The following HIVEP3 variants were observed in gnomAD, a reference collection of about 807,000 sequenced individuals.
The protein encoded by HIVEP3 is HIVEP zinc finger 3, also known as transcription factor HIVEP3.
Under a neutral mutation model 152.8 loss-of-function variants are expected in HIVEP3, and 49 were observed. The ratio of observed to expected loss-of-function variants is 0.32; its 90% CI spans 0.26 to 0.41. HIVEP3 has a LOEUF of 0.41. Ranked by LOEUF, HIVEP3 falls within the 10% of genes least tolerant of loss-of-function variation. The probability of loss-of-function intolerance (pLI) is 1.00; values close to 1 mark genes in which losing one functional copy is unlikely to be tolerated. For synonymous variants in HIVEP3, 1,269 were observed against 1,289.0 expected, an observed-to-expected ratio of 0.98 and a Z score of 0.33; for missense variants, 2,790 against 3,103.3, an observed-to-expected ratio of 0.90 and a Z score of 2.40.
At chr1:41,850,035 A>G (rs948406936) in intron 1 of HIVEP3, among the ~76,000 whole-genome samples, 2 of 152,192 alleles carry the variant, frequency 1.3e-5, no homozygotes, top group Admixed American at 6.5e-5. Context: ...GTGGTTCCTA[A>G]ACTTTAGCAT....
chr1:41,993,238 G>A (rs1337969918), intron 1 of HIVEP3, among the ~76,000 whole-genome samples: 7 of 151,522 alleles, frequency 4.6e-5, no homozygotes, highest in Non-Finnish European at 7.4e-5. Flanking sequence ...GAAAATTTTC[G>A]CAACCGACTC....
intron 1 of HIVEP3, among the ~76,000 whole-genome samples, chr1:42,027,629 T>A (rs1468873510): frequency 6.6e-6 from 1 of 152,152 alleles, no homozygotes; most frequent in Non-Finnish European, 1.5e-5. Flanking sequence ...GAACCCTCTG[T>A]AGGTGTATTA....
chr1:41,916,693 T>A (rs1644877097), intron 1 of HIVEP3, among the ~76,000 whole-genome samples: 1 of 152,094 alleles, frequency 6.6e-6, no homozygotes, highest in African/African-American at 2.4e-5. Context: ...GCATCTGAGG[T>A]CTATTCTTCA....
chr1:41,754,457 G>A (rs1005634666), intron 1 of HIVEP3, among the ~76,000 whole-genome samples: 2 of 152,248 alleles, frequency 1.3e-5, no homozygotes, highest in Admixed American at 6.5e-5. Flanking sequence ...CAATGGAGGT[G>A]AGAAGTGGTC....
At chr1:41,721,301 A>C (rs988251545) in intron 1 of HIVEP3, among the ~76,000 whole-genome samples, 1 of 151,880 alleles carries the variant, frequency 6.6e-6, no homozygotes, top group South Asian at 2.1e-4. Flanking sequence ...TCCACATCCC[A>C]GGTTCAAGCG....
intron 1 of HIVEP3, among the ~76,000 whole-genome samples, chr1:41,812,722 C>T (rs1466294945): frequency 1.3e-5 from 2 of 151,830 alleles, no homozygotes; most frequent in Non-Finnish European, 2.9e-5. Flanking sequence ...AGAAGACTGG[C>T]CAGCTGGGCT....
chr1:41,617,356 A>G (rs1254478930), intron 3 of HIVEP3, among the ~76,000 whole-genome samples: 1 of 152,158 alleles, frequency 6.6e-6, no homozygotes, highest in Non-Finnish European at 1.5e-5. Context: ...TCGTCCTAAT[A>G]ATGAGCCATG....
At chr1:41,574,858 C>A (rs1644303564) in intron 5 of HIVEP3, among the ~76,000 whole-genome samples, 1 of 152,206 alleles carries the variant, frequency 6.6e-6, no homozygotes, top group South Asian at 2.1e-4. Flanking sequence ...ACAGCTGGCA[C>A]AAAACTTCCA....
intron 1 of HIVEP3, among the ~76,000 whole-genome samples, chr1:42,007,566 C>T (rs72953204): frequency 0.013 from 2,050 of 152,296 alleles, 50 homozygotes; most frequent in African/African-American, 0.046. Context: ...GGCAAGTCTT[C>T]TGACAAAGCT....
At chr1:41,598,829 A>ATTTG (rs750668992) in intron 3 of HIVEP3, among the ~76,000 whole-genome samples, 1 of 151,746 alleles carries the variant, frequency 6.6e-6, no homozygotes, top group South Asian at 2.1e-4. Flanking sequence ...TTATTTATTT[A>ATTTG]TTTAGGGACA....
At chr1:41,872,457 T>C (rs1478960991) in intron 1 of HIVEP3, among the ~76,000 whole-genome samples, 1 of 152,196 alleles carries the variant, frequency 6.6e-6, no homozygotes, top group Admixed American at 6.5e-5. Context: ...AGGTTGCAAT[T>C]CATCCACAAG....
intron 2 of HIVEP3, among the ~76,000 whole-genome samples, chr1:41,677,298 G>A (rs776750386): frequency 2.6e-5 from 4 of 152,144 alleles, no homozygotes; most frequent in Admixed American, 6.5e-5. Context: ...CGTATAATCC[G>A]GTCTAATCCT....
chr1:41,880,954 T>C (rs1644251407), intron 1 of HIVEP3, among the ~76,000 whole-genome samples: 1 of 152,236 alleles, frequency 6.6e-6, no homozygotes, highest in African/African-American at 2.4e-5. Flanking sequence ...GTTAACTATG[T>C]CTAGTTCTAA....
intron 1 of HIVEP3, among the ~76,000 whole-genome samples, chr1:41,917,430 G>A (rs57327708): frequency 0.051 from 7,777 of 152,196 alleles, 615 homozygotes; most frequent in African/African-American, 0.17. Context: ...ATACCAGAAA[G>A]AGGGCCAGGG....
intron 2 of HIVEP3, among the ~76,000 whole-genome samples, chr1:41,700,573 C>T (rs1323402128): frequency 6.6e-6 from 1 of 152,104 alleles, no homozygotes. Context: ...TCACCGAGTC[C>T]CACTCCCTCA....
At chr1:41,772,329 G>C (rs1648427720) in intron 1 of HIVEP3, among the ~76,000 whole-genome samples, 1 of 152,172 alleles carries the variant, frequency 6.6e-6, no homozygotes, top group Non-Finnish European at 1.5e-5. Context: ...ATGGCTTTTT[G>C]GGGACATGAG....
chr1:41,655,948 A>C (rs1231977782), intron 2 of HIVEP3, among the ~76,000 whole-genome samples: 1 of 152,144 alleles, frequency 6.6e-6, no homozygotes, highest in Non-Finnish European at 1.5e-5. Flanking sequence ...TTTACACCCA[A>C]ACATACTGTT....
At chr1:42,002,486 C>G (rs1645433843) in intron 1 of HIVEP3, among the ~76,000 whole-genome samples, 1 of 152,190 alleles carries the variant, frequency 6.6e-6, no homozygotes, top group African/African-American at 2.4e-5. Context: ...CAGGAAAGAT[C>G]AGGACTGGCT....
chr1:41,919,994 TC>T (rs1644927738), upstream of HIVEP3, among the ~76,000 whole-genome samples: 1 of 152,120 alleles, frequency 6.6e-6, no homozygotes, highest in Non-Finnish European at 1.5e-5. Context: ...CTACAGCCGC[TC>T]CAGCATCACA....
Sources: allele counts gnomAD v4.1 joint callset (sites outside exome capture counted in the v4.1 genomes callset), GRCh38; gene constraint gnomAD v4.1.1; transcripts MANE v1.5; gene names NCBI Gene and HGNC (gene_info 2026-07-23, HGNC 2026-07-21).